POLR1C: variants seen among roughly 807,000 people sequenced by gnomAD.
POLR1C encodes the protein DNA-directed RNA polymerases I and III subunit RPAC1.
Under a neutral mutation model 38.3 loss-of-function variants are expected in POLR1C, and 42 were observed. That is an observed-to-expected ratio of 1.10 (90% CI 0.86 to 1.42). The LOEUF is 1.42. Among genes scored for constraint, POLR1C ranks in the 40% most tolerant of loss-of-function variants. The pLI, the probability that POLR1C is intolerant of heterozygous loss-of-function variation, is 0.00. For synonymous variants in POLR1C, 163 were observed against 163.9 expected (o/e 0.99, Z 0.04); for missense variants, 507 against 450.5 (o/e 1.13, Z -1.14).
intron 10 of POLR1C, chr6:43,553,538 C>A (rs1795360601): frequency 2.6e-6 from 4 of 1,537,334 alleles, no homozygotes; most frequent in South Asian, 1.2e-5. Flanking sequence ...CACACACACA[C>A]ACACACACAC....
At position 43,558,446 on chromosome 6, in the gene POLR1C, A is replaced by C; in HGVS notation, c.*49-2954A>C. 10 of 1,465,588 alleles carry C rather than the reference A, an allele frequency of 6.8e-6. No homozygotes were observed. In the South Asian group the frequency reaches 1.2e-4, roughly 17 times the overall value. 90.8% of individuals were successfully genotyped at this position (1,465,588 alleles called of 1,614,324 possible). A position where few individuals can be genotyped will look rare whatever the true frequency, so the allele number is the denominator to read the frequency against. ...CAAACACCATGCACCATGATTCATA[A>C]TACTAGATGCCATTCTGAGACTGTT... is the stretch of plus-strand genomic sequence containing the variant. On this transcript the variant is annotated intron_variant, in intron 10 of 10. Coordinates refer to the POLR1C transcript ENST00000607635.
chr6:43,526,431 A>C (rs575697940), downstream of POLR1C: 1 of 524,750 alleles, frequency 1.9e-6, no homozygotes, highest in Non-Finnish European at 3.4e-6. Flanking sequence ...GGAAGAGGTG[A>C]CATTGGAATA....
intron 10 of POLR1C, among the ~76,000 whole-genome samples, chr6:43,556,925 C>G (rs937026929): frequency 1.3e-5 from 2 of 151,284 alleles, no homozygotes; most frequent in Admixed American, 6.6e-5. Flanking sequence ...GTCGGGAGTT[C>G]GAGACCAGCC....
rs1031836072 is a variant in POLR1C at position 43,521,379 on chromosome 6, G to A, written c.*79G>A. 3 of 1,608,064 alleles carry A rather than the reference G, an allele frequency of 1.9e-6. No individual in the cohort carries two copies. The highest frequency in any genetic ancestry group is 2.5e-6 in the Non-Finnish European group (3 of 1,178,552). On this transcript the variant is annotated 3_prime_UTR_variant, in exon 9 of 9. Coordinates refer to ENST00000642195, the MANE Select transcript of POLR1C (RefSeq NM_203290.4). ...ACAGGACTGCTGAACAGAGAGCCCA[G>A]TGTGACTAGGGATCCTGAGTTTTCT...
chr6:43,544,845 C>T (rs1225162592), intron 9 of POLR1C, among the ~76,000 whole-genome samples: 2 of 152,040 alleles, frequency 1.3e-5, no homozygotes, highest in Non-Finnish European at 2.9e-5. Context: ...CTCTTTCCTC[C>T]TTTAGAAATC....
chr6:43,558,542 A>G, intron 10 of POLR1C: 1 of 1,604,788 alleles, frequency 6.2e-7, no homozygotes. Flanking sequence ...ATCAAAATCA[A>G]ACCGAGAATA....
chr6:43,545,984 G>C (rs1794946998), intron 9 of POLR1C, among the ~76,000 whole-genome samples: 1 of 152,028 alleles, frequency 6.6e-6, no homozygotes, highest in Non-Finnish European at 1.5e-5. Context: ...GTATGTCTGG[G>C]GTGGGGCCTT....
chr6:43,553,719 C>T (rs563877447), intron 10 of POLR1C: 25 of 936,166 alleles, frequency 2.7e-5, no homozygotes, highest in Non-Finnish European at 3.6e-5. Context: ...CCTACCATGC[C>T]TCCTCCTCCT....
At chr6:43,561,387 T>C (rs114620688) in intron 10 of POLR1C, 1,919 of 166,154 alleles carry the variant, frequency 0.012, 43 homozygotes, top group African/African-American at 0.044. Flanking sequence ...CTTTTCTTTT[T>C]TTTTTCTTTT....
At chr6:43,559,863 T>C (rs1460279889) in intron 10 of POLR1C, among the ~76,000 whole-genome samples, 1 of 152,136 alleles carries the variant, frequency 6.6e-6, no homozygotes, top group African/African-American at 2.4e-5. Flanking sequence ...TTGCCTAGGC[T>C]GGAGTGCAGT....
chr6:43,519,221 GGAGGT>G (rs1475979253), intron 2 of POLR1C, 107 bp from the exon 3 acceptor site: 4 of 730,614 alleles, frequency 5.5e-6, no homozygotes, highest in East Asian at 5.4e-5. Context: ...TTGGGCAAAG[GGAGGT>G]TTTTGGATGA....
chr6:43,549,687 A>G, intron 9 of POLR1C: 1 of 1,358,196 alleles, frequency 7.4e-7, no homozygotes, highest in Non-Finnish European at 1.0e-6. Context: ...ATGATTTTTC[A>G]CAACCCTAAG....
chr6:43,541,753 T>G lies in POLR1C; in HGVS notation c.*5-9215T>G, dbSNP rs117326207. Reference sequence around the variant, plus strand: ...GTGTAGTAATTATCAGTACTTCATTTTGTAAGTACTGTAGTAATCCAATAC... The same window carrying G: ...GTGTAGTAATTATCAGTACTTCATTGTGTAAGTACTGTAGTAATCCAATAC... On this transcript the variant is annotated intron_variant, in intron 9 of 10. Coordinates refer to the POLR1C transcript ENST00000607635. Among the ~76,000 whole-genome samples the G allele has an allele frequency of 9.8e-4, 150 of 152,364 alleles. 2 individuals are homozygous for G. In the East Asian group the frequency reaches 0.024, roughly 24 times the overall value.
At chr6:43,524,069 G>A (rs972330956), downstream of POLR1C, 2 of 1,573,554 alleles carry the variant, frequency 1.3e-6, no homozygotes. Flanking sequence ...AGATTCTCTT[G>A]GCCCGGCGCA....
rs1311687923 is a variant in POLR1C at position 43,520,091 on chromosome 6, T to C, written c.408T>C (p.Asp136=). The C allele has an allele frequency of 1.5e-5, 25 of 1,614,108 alleles. No individual in the cohort carries two copies. The highest frequency in any genetic ancestry group is 1.8e-5 in the Non-Finnish European group (21 of 1,180,038). The change falls in exon 5 of 9, where the codon GAT becomes GAC. Residue 136 remains aspartate, a synonymous_variant. Coordinates refer to ENST00000642195, the MANE Select transcript of POLR1C (RefSeq NM_203290.4). The part of the protein sequence containing the change: ...NQGDEEGTEI[D]TLQFRLQVRC... The stretch of plus-strand genomic sequence containing the variant: ...GAGATGAAGAAGGCACAGAGATAGA[T>C]ACTCTACAGTTTCGTCTCCAGGTCA...
Position 43,519,677 on chromosome 6 carries a change from C to G in POLR1C, c.250-29C>G, listed in dbSNP as rs545835679. On this transcript the variant is annotated intron_variant, in intron 3 of 8. Transcript: ENST00000642195. ...AGGTAGGGGGTCTGTTGGGTTTTTG[C>G]AGATAAGTGGTTATTTTTCCTTGGG... The G allele has an allele frequency of 3.5e-5, 56 of 1,614,102 alleles. No individual in the cohort carries two copies. In the East Asian group the frequency reaches 1.2e-3, roughly 33 times the overall value.
At chr6:43,523,628 G>C (rs1169651365), downstream of POLR1C, 4 of 756,910 alleles carry the variant, frequency 5.3e-6, no homozygotes, top group Non-Finnish European at 9.6e-6. Context: ...CAAGTAGAAT[G>C]GGAACTATCT....
chr6:43,540,357 T>C (rs932179749), intron 9 of POLR1C, among the ~76,000 whole-genome samples: 2 of 152,216 alleles, frequency 1.3e-5, no homozygotes, highest in Non-Finnish European at 2.9e-5. Context: ...CGGGCACCTG[T>C]AGTCCCAGCT....
At chr6:43,517,413 A>AT in intron 2 of POLR1C, 36 bp downstream of exon 2, 1 of 1,571,360 alleles carries the variant, frequency 6.4e-7, no homozygotes, top group Non-Finnish European at 8.8e-7. Context: ...GAGGGTTATG[A>AT]AGGCCAGACC....
Sources: gnomAD v4.1 joint callset for allele counts (sites outside exome capture counted in the v4.1 genomes callset) on GRCh38, gnomAD v4.1.1 for gene constraint, MANE v1.5 for transcripts, NCBI Gene and HGNC (gene_info 2026-07-23, HGNC 2026-07-21) for gene names.